The following LAMB1 variants were observed in gnomAD, a reference collection of about 807,000 sequenced individuals.
LAMB1 encodes laminin subunit beta-1.
LAMB1 carries 121 observed loss-of-function variants against 222.3 expected under a neutral mutation model. The ratio of observed to expected loss-of-function variants is 0.54; its 90% confidence interval spans 0.47 to 0.63. The LOEUF is 0.63. Among genes scored for constraint, LAMB1 ranks in the 30% least tolerant of loss-of-function variants. The probability of loss-of-function intolerance (pLI) is 0.00; values close to 1 mark genes in which losing one functional copy is unlikely to be tolerated. For synonymous variants in LAMB1, 794 were observed against 807.2 expected (o/e 0.98, Z 0.28); for missense variants, 2,172 against 2,240.8 (o/e 0.97, Z 0.62).
intron 2 of LAMB1, 32 bp from the exon 3 acceptor site, chr7:108,001,765 G>T (rs754171060): frequency 9.3e-6 from 15 of 1,608,748 alleles, no homozygotes; most frequent in Non-Finnish European, 1.3e-5. Context: ...GAGTTGGGGG[G>T]ACACAAGCAG....
At chr7:107,984,677 C>T (rs2034040234) in intron 7 of LAMB1, among the ~76,000 whole-genome samples, 1 of 152,158 alleles carries the variant, frequency 6.6e-6, no homozygotes, top group South Asian at 2.1e-4. Flanking sequence ...GGCCTTATAA[C>T]TAGGGTTGCC....
In LAMB1 at chr7:107,931,484, A is replaced by C; in HGVS notation, c.4409T>G (p.Leu1470Arg). 1 of 1,613,494 alleles carries C rather than the reference A, an allele frequency of 6.2e-7. No homozygotes were observed. The highest frequency in any genetic ancestry group is 8.5e-7 in the Non-Finnish European group (1 of 1,179,830). ...QLSKMVSEAK[L>R]RADEAKQSAE... ...ACTTTGTTTTGCCTCATCTGCCCTC[A>C]GTTTTGCTTCAGAGACCTAAATATG... The change falls in exon 29 of 34, where the codon CTG becomes CGG. Residue 1470 changes from leucine (L) to arginine (R), a missense_variant. By Grantham distance (102) the Leu-to-Arg change is moderately radical. Coordinates refer to ENST00000222399, the MANE Select transcript of LAMB1 (RefSeq NM_002291.3).
intron 21 of LAMB1, 61 bp downstream of exon 21, chr7:107,955,406 A>G (rs557100711): frequency 3.5e-6 from 5 of 1,436,532 alleles, no homozygotes; most frequent in Admixed American, 2.2e-5. Flanking sequence ...CTCATTAACA[A>G]TGAACTCATA....
chr7:107,940,824 C>T (rs990386382), intron 24 of LAMB1, among the ~76,000 whole-genome samples: 3 of 152,184 alleles, frequency 2.0e-5, no homozygotes, highest in Non-Finnish European at 4.4e-5. Context: ...CCCCACAGAC[C>T]ATGTCTGTAC....
At chr7:107,933,160 A>G (rs2032752786) in intron 27 of LAMB1, among the ~76,000 whole-genome samples, 1 of 152,216 alleles carries the variant, frequency 6.6e-6, no homozygotes, top group East Asian at 1.9e-4. Context: ...ATGGCATACA[A>G]ATGCAAATTG....
chr7:107,935,343 C>CTTTTTTTTTTTTTTTTT (rs2032816386), intron 27 of LAMB1, 72 bp downstream of exon 27: 2 of 1,371,970 alleles, frequency 1.5e-6, no homozygotes, highest in African/African-American at 4.8e-5. Context: ...GTTTGTTTTT[C>CTTTTTTTTTTTTTTTTT]TTTGTTTTTT....
intron 7 of LAMB1, among the ~76,000 whole-genome samples, chr7:107,981,672 T>C (rs1043771638): frequency 6.6e-6 from 1 of 152,220 alleles, no homozygotes; most frequent in African/African-American, 2.4e-5. Flanking sequence ...TAATTTGAAG[T>C]AGCACAATGC....
rs1294323720 is a variant in LAMB1, at chr7:107,923,894, T to G, written c.*57A>C. 6.7e-7 allele frequency: 1 copy of G among 1,491,944 alleles called. No individual in the cohort carries two copies. Among genetic ancestry groups the G allele is most frequent in the Admixed American group, 2.2e-5 (1 of 45,398 alleles). The allele number at this position is 1,491,944 out of a possible 1,614,324, so 92.4% of individuals were successfully genotyped here. On this transcript the variant is annotated 3_prime_UTR_variant, in exon 34 of 34. Coordinates refer to ENST00000222399, the MANE Select transcript of LAMB1 (RefSeq NM_002291.3). ...TTTATTTTGAAGAGCATTAAGTCAG[T>G]TTTTAAAATGTAGTTGTTTTACCTT...
intron 5 of LAMB1, among the ~76,000 whole-genome samples, chr7:107,992,136 A>G (rs1584538940): frequency 6.6e-6 from 1 of 152,116 alleles, no homozygotes; most frequent in East Asian, 1.9e-4. Context: ...TTGCTCTCAG[A>G]CTGTTTCCCT....
intron 24 of LAMB1, among the ~76,000 whole-genome samples, chr7:107,945,062 A>C (rs2033086697): frequency 6.6e-6 from 1 of 152,244 alleles, no homozygotes. Flanking sequence ...TTTAAGATGA[A>C]CAAATCATGA....
rs140404777 is a variant in LAMB1 at position 107,947,426 on chromosome 7, TC to T, written c.3391+3799del. 3.1e-3 allele frequency among the ~76,000 whole-genome samples: 475 copies of T among 152,310 alleles called. 1 individual carries two copies. The highest frequency in any genetic ancestry group is 0.011 in the African/African-American group (456 of 41,562). Reference sequence around the variant, plus strand: ...AGAGCTGATGTTCTTTTTGCATAGTTCCATCTAATTTTGAATGACACCTCTT... The same window carrying T: ...AGAGCTGATGTTCTTTTTGCATAGTTCATCTAATTTTGAATGACACCTCTT... On this transcript the variant is annotated intron_variant, in intron 24 of 33. Coordinates refer to ENST00000222399, the MANE Select transcript of LAMB1 (RefSeq NM_002291.3).
Position 107,983,895 on chromosome 7 carries a change from G to A in LAMB1, c.676+2127C>T, listed in dbSNP as rs79101118. Among the ~76,000 whole-genome samples the A allele has an allele frequency of 1.0e-3, 159 of 152,184 alleles. 1 individual carries two copies. In the East Asian group the frequency reaches 0.023, roughly 22 times the overall value. On this transcript the variant is annotated intron_variant, in intron 7 of 33. Transcript: ENST00000222399. ...TGTAATAAGAGCAGTTGTTGAATGT[G>A]GTAAAGAGCTCTGAACTGAGCACCG...
intron 25 of LAMB1, among the ~76,000 whole-genome samples, chr7:107,939,035 G>A (rs138655069): frequency 1.5e-4 from 23 of 152,226 alleles, no homozygotes; most frequent in Admixed American, 7.8e-4. Flanking sequence ...CTGTCATTTC[G>A]TCATATAAAC....
intron 5 of LAMB1, 92 bp from the exon 6 acceptor site, chr7:107,986,455 C>A: frequency 9.5e-7 from 1 of 1,047,858 alleles, no homozygotes; most frequent in Non-Finnish European, 1.4e-6. Context: ...CAACTGCATG[C>A]CACAAACTTG....
chr7:107,981,154 T>C (rs1432415813), intron 7 of LAMB1, among the ~76,000 whole-genome samples: 1 of 151,654 alleles, frequency 6.6e-6, no homozygotes, highest in Non-Finnish European at 1.5e-5. Context: ...TCTAAAAAAA[T>C]ACAAAAATTA....
intron 28 of LAMB1, chr7:107,931,845 T>C (rs1165071320): frequency 2.1e-6 from 1 of 486,180 alleles, no homozygotes; most frequent in Non-Finnish European, 3.7e-6. Context: ...GCTCAATTGC[T>C]TAGTATAGAG....
intron 13 of LAMB1, among the ~76,000 whole-genome samples, chr7:107,971,245 G>A (rs1422513578): frequency 1.3e-5 from 2 of 152,182 alleles, no homozygotes; most frequent in Non-Finnish European, 2.9e-5. Flanking sequence ...TCTCTAAGGA[G>A]TACATATCTA....
intron 5 of LAMB1, 36 bp from the exon 6 acceptor site, chr7:107,986,399 T>C (rs1311144386): frequency 6.5e-7 from 1 of 1,532,770 alleles, no homozygotes; most frequent in East Asian, 2.3e-5. Context: ...TTGATGTTTT[T>C]TATTGGTAGT....
chr7:107,980,269 C>A (rs1036979142), intron 8 of LAMB1, among the ~76,000 whole-genome samples: 16 of 151,958 alleles, frequency 1.1e-4, no homozygotes, highest in African/African-American at 3.9e-4. Context: ...TCTAGCATAA[C>A]TGCGGTTTTT....
Sources: gnomAD v4.1 joint callset for allele counts (sites outside exome capture counted in the v4.1 genomes callset) on GRCh38, gnomAD v4.1.1 for gene constraint, MANE v1.5 for transcripts, NCBI Gene and HGNC (gene_info 2026-07-23, HGNC 2026-07-21) for gene names.